The following ARSB variants were observed in gnomAD, a reference collection of about 807,000 sequenced individuals.
The protein encoded by ARSB is arylsulfatase B.
ARSB carries 41 observed loss-of-function variants against 50.9 expected under a neutral mutation model. That is an observed-to-expected ratio of 0.81 (90% CI 0.63 to 1.04). The LOEUF is 1.04. Among genes scored for constraint, ARSB ranks in the 50% least tolerant of loss-of-function variants. The probability of loss-of-function intolerance (pLI) is 0.00; values close to 1 mark genes in which losing one functional copy is unlikely to be tolerated. For missense variants in ARSB, 672 were observed against 693.3 expected (o/e 0.97, Z 0.35); for synonymous variants, 269 against 284.8 (o/e 0.94, Z 0.56).
chr5:78,901,548 T>A (rs1748804887), intron 4 of ARSB, among the ~76,000 whole-genome samples: 1 of 151,808 alleles, frequency 6.6e-6, no homozygotes. Context: ...AATAGGGAAA[T>A]AGTTTTTTCA....
At chr5:78,795,477 C>T (rs543089500) in intron 6 of ARSB, among the ~76,000 whole-genome samples, 1 of 152,194 alleles carries the variant, frequency 6.6e-6, no homozygotes, top group African/African-American at 2.4e-5. Context: ...GGCACTGCCA[C>T]CCCTCGGGGC....
At chr5:78,957,990 C>T (rs73115818) in intron 3 of ARSB, among the ~76,000 whole-genome samples, 1 of 141,452 alleles carries the variant, frequency 7.1e-6, no homozygotes, top group African/African-American at 2.5e-5. Context: ...AATATCACAT[C>T]GATCTGTTTT....
intron 3 of ARSB, among the ~76,000 whole-genome samples, chr5:78,957,756 G>C (rs1176396118): frequency 1.3e-5 from 2 of 152,028 alleles, no homozygotes; most frequent in Non-Finnish European, 2.9e-5. Context: ...TGCCCTGCCT[G>C]GGGGTGATGA....
chr5:78,869,761 A>T (rs1312376568), intron 5 of ARSB, among the ~76,000 whole-genome samples: 2 of 145,308 alleles, frequency 1.4e-5, no homozygotes, highest in Admixed American at 1.4e-4. Flanking sequence ...CAACTAGAAA[A>T]GCAAGAGCAA....
At chr5:78,970,238 A>G (rs940166491) in intron 1 of ARSB, among the ~76,000 whole-genome samples, 2 of 152,234 alleles carry the variant, frequency 1.3e-5, no homozygotes, top group African/African-American at 4.8e-5. Context: ...TACTAAAAAT[A>G]ATATATCATA....
intron 6 of ARSB, among the ~76,000 whole-genome samples, chr5:78,831,496 T>C (rs964223632): frequency 9.2e-5 from 14 of 152,160 alleles, no homozygotes; most frequent in African/African-American, 3.1e-4. Context: ...CTCCTTTAAA[T>C]GAGTCATGTC....
chr5:78,814,913 T>G (rs192472404), intron 6 of ARSB, among the ~76,000 whole-genome samples: 2 of 150,720 alleles, frequency 1.3e-5, no homozygotes, highest in Admixed American at 1.3e-4. Context: ...CATCAAGGAT[T>G]GAGGACCCCT....
intron 4 of ARSB, among the ~76,000 whole-genome samples, chr5:78,903,776 T>C (rs1416657437): frequency 6.6e-6 from 1 of 152,250 alleles, no homozygotes; most frequent in Non-Finnish European, 1.5e-5. Context: ...AGAGATTACA[T>C]GAATCTTTTC....
intron 5 of ARSB, among the ~76,000 whole-genome samples, chr5:78,864,227 T>C (rs1167398369): frequency 6.6e-6 from 1 of 152,040 alleles, no homozygotes; most frequent in Non-Finnish European, 1.5e-5. Flanking sequence ...TCCCCAAGAC[T>C]GGACAATTTA....
At chr5:78,970,618 G>A (rs930491776) in intron 1 of ARSB, among the ~76,000 whole-genome samples, 1 of 152,114 alleles carries the variant, frequency 6.6e-6, no homozygotes, top group African/African-American at 2.4e-5. Flanking sequence ...GAAGGAGAGG[G>A]AGACAGTGAC....
intron 4 of ARSB, among the ~76,000 whole-genome samples, chr5:78,889,137 G>A (rs752973552): frequency 3.3e-5 from 5 of 152,248 alleles, no homozygotes; most frequent in Middle Eastern, 3.4e-3. Context: ...AATAGGGTGC[G>A]GTCCATAAGT....
At chr5:78,827,953 G>C (rs945343331) in intron 6 of ARSB, among the ~76,000 whole-genome samples, 5 of 151,842 alleles carry the variant, frequency 3.3e-5, no homozygotes, top group Non-Finnish European at 7.4e-5. Context: ...GGAATTAGCA[G>C]ATTTTTCTTT....
At chr5:78,955,550 A>C in intron 3 of ARSB, 48 bp from the exon 4 acceptor site, 1 of 1,449,820 alleles carries the variant, frequency 6.9e-7, no homozygotes, top group Non-Finnish European at 9.7e-7. Flanking sequence ...TTGAAGCATT[A>C]AATATAGAAG....
At chr5:78,851,618 T>C (rs555742210) in intron 5 of ARSB, among the ~76,000 whole-genome samples, 1 of 152,320 alleles carries the variant, frequency 6.6e-6, no homozygotes, top group East Asian at 1.9e-4. Flanking sequence ...GTATCTTTGT[T>C]AACTTTCTGT....
intron 4 of ARSB, among the ~76,000 whole-genome samples, chr5:78,943,957 C>G (rs1051397668): frequency 2.0e-5 from 3 of 152,234 alleles, no homozygotes; most frequent in East Asian, 1.9e-4. Context: ...TCCCATATTT[C>G]ATGGAGGCTT....
chr5:78,832,765 A>T (rs1016721636), intron 6 of ARSB, among the ~76,000 whole-genome samples: 1 of 152,192 alleles, frequency 6.6e-6, no homozygotes, highest in African/African-American at 2.4e-5. Context: ...AAATAGTAAC[A>T]AAGCTGTATG....
intron 4 of ARSB, among the ~76,000 whole-genome samples, chr5:78,928,085 TAACCATCATC>T (rs1750133801): frequency 6.6e-6 from 1 of 152,070 alleles, no homozygotes; most frequent in Non-Finnish European, 1.5e-5. Context: ...GGAGTCACAT[TAACCATCATC>T]AAGATTTGCC....
chr5:78,929,472 C>G lies in ARSB; in HGVS notation c.898+25823G>C, dbSNP rs1243606702. On this transcript the variant is annotated intron_variant, in intron 4 of 7. Coordinates refer to ENST00000264914, the MANE Select transcript of ARSB (RefSeq NM_000046.5). The stretch of plus-strand genomic sequence containing the variant: ...GTGCCTCACACTGAATTAGAGACCA[C>G]TACCATGATTCTAGGTGTGCTTTAA... Among the ~76,000 whole-genome samples the G allele has an allele frequency of 1.3e-5, 2 of 152,076 alleles. 1 individual carries two copies. Among genetic ancestry groups the G allele is most frequent in the Non-Finnish European group, 2.9e-5 (2 of 68,026 alleles).
At chr5:78,853,994 C>T (rs3098684) in intron 5 of ARSB, among the ~76,000 whole-genome samples, 39,912 of 152,250 alleles carry the variant, frequency 0.26, 7,012 homozygotes, top group African/African-American at 0.5. Flanking sequence ...AGGGAACTCC[C>T]TGACCCCTTG....
Sources: allele counts gnomAD v4.1 joint callset (sites outside exome capture counted in the v4.1 genomes callset), GRCh38; gene constraint gnomAD v4.1.1; transcripts MANE v1.5; gene names NCBI Gene and HGNC (gene_info 2026-07-23, HGNC 2026-07-21).